Variants in NTM observed in about 807,000 individuals in gnomAD.
NTM encodes neurotrimin, also known as IgLON family member 2.
NTM carries 13 observed loss-of-function variants against 42.1 expected under a neutral mutation model. The observed-to-expected ratio is 0.31, with a 90% CI of 0.20 to 0.49. NTM has a LOEUF of 0.49. Among genes scored for constraint, NTM ranks in the 20% least tolerant of loss-of-function variants. The pLI is 0.99. For missense variants in NTM, 373 were observed against 452.8 expected (o/e 0.82, Z 1.60); for synonymous variants, 187 against 179.2 (o/e 1.04, Z -0.35).
intron 1 of NTM, among the ~76,000 whole-genome samples, chr11:131,433,006 C>T (rs1266860885): frequency 2.0e-5 from 3 of 151,748 alleles, no homozygotes; most frequent in Non-Finnish European, 4.4e-5. Context: ...AGGCGCCCGC[C>T]ACCACGCCCG....
At chr11:132,069,642 G>T (rs11222899) in intron 2 of NTM, among the ~76,000 whole-genome samples, 3 of 138,776 alleles carry the variant, frequency 2.2e-5, no homozygotes, top group South Asian at 2.4e-4. Context: ...TTAGTTAACA[G>T]GTCACCCAGC....
chr11:131,832,525 T>A (rs183070397), intron 1 of NTM, among the ~76,000 whole-genome samples: 1 of 152,210 alleles, frequency 6.6e-6, no homozygotes, highest in Non-Finnish European at 1.5e-5. Flanking sequence ...CACATTTTGT[T>A]GTGATAAATC....
At chr11:132,162,273 GTGTA>G (rs1166479885) in intron 3 of NTM, among the ~76,000 whole-genome samples, 1 of 151,290 alleles carries the variant, frequency 6.6e-6, no homozygotes, top group Non-Finnish European at 1.5e-5. Context: ...TGTAGGGAGT[GTGTA>G]TGTAAGTGCT....
rs148189977 is a variant in NTM at position 132,262,573 on chromosome 11, C to CT, written c.527-45109dup. 8.5e-3 allele frequency among the ~76,000 whole-genome samples: 1,289 copies of CT among 152,230 alleles called. 15 individuals carry two copies. The highest frequency in any genetic ancestry group is 0.029 in the East Asian group (152 of 5,174). On this transcript the variant is annotated intron_variant, in intron 4 of 8. Transcript: ENST00000683400. ...AGGGGGAGAGAGAGAAGGATCATCTCTTTTTTTATCTATTCTTACGAGGAC... is the reference window on the plus strand; with the variant it reads ...AGGGGGAGAGAGAGAAGGATCATCTCTTTTTTTTATCTATTCTTACGAGGAC...
At chr11:132,333,628 G>T (rs569902478) in intron 8 of NTM, among the ~76,000 whole-genome samples, 14 of 152,242 alleles carry the variant, frequency 9.2e-5, no homozygotes, top group African/African-American at 2.9e-4. Flanking sequence ...TCTCCTTAAT[G>T]CAGGGTAGAG....
intron 4 of NTM, among the ~76,000 whole-genome samples, chr11:132,221,335 GTCT>G (rs764954389): frequency 5.9e-5 from 9 of 152,124 alleles, no homozygotes; most frequent in Non-Finnish European, 8.8e-5. Context: ...GGCGAGACAG[GTCT>G]TCTTATTAGC....
intron 1 of NTM, chr11:131,911,195 C>T: frequency 7.3e-7 from 1 of 1,367,614 alleles, no homozygotes. Flanking sequence ...CCGCGCGCTT[C>T]CCCCTCCTCG....
chr11:131,916,252 T>A (rs543270518), intron 2 of NTM, among the ~76,000 whole-genome samples: 1 of 152,200 alleles, frequency 6.6e-6, no homozygotes, highest in African/African-American at 2.4e-5. Context: ...TGCATGGGTG[T>A]CATTCACTTA....
chr11:131,665,471 C>T (rs1035469220), intron 1 of NTM, among the ~76,000 whole-genome samples: 4 of 151,932 alleles, frequency 2.6e-5, no homozygotes, highest in Non-Finnish European at 4.4e-5. Context: ...GTGATTAGGG[C>T]AAAAAGAGGT....
chr11:131,880,164 T>C (rs990644079), intron 1 of NTM, among the ~76,000 whole-genome samples: 40 of 152,270 alleles, frequency 2.6e-4, no homozygotes, highest in African/African-American at 9.4e-4. Flanking sequence ...AGCAGATAAG[T>C]CATAAAACTC....
chr11:131,834,436 G>A (rs2043207665), intron 1 of NTM, among the ~76,000 whole-genome samples: 1 of 151,836 alleles, frequency 6.6e-6, no homozygotes, highest in Non-Finnish European at 1.5e-5. Flanking sequence ...TCATGTGGTA[G>A]GCACTGTGCT....
intron 2 of NTM, among the ~76,000 whole-genome samples, chr11:131,945,750 A>G (rs1251124240): frequency 6.6e-6 from 1 of 152,176 alleles, no homozygotes; most frequent in African/African-American, 2.4e-5. Flanking sequence ...ACATTCCTGC[A>G]CCTTTACTGA....
intron 4 of NTM, among the ~76,000 whole-genome samples, chr11:132,295,689 T>A (rs1419212241): frequency 6.6e-6 from 1 of 152,124 alleles, no homozygotes; most frequent in East Asian, 1.9e-4. Context: ...CACTGGTGTG[T>A]CCAGTGGGTG....
At chr11:131,812,203 TC>T (rs1395311069) in intron 1 of NTM, among the ~76,000 whole-genome samples, 3,097 of 147,878 alleles carry the variant, frequency 0.021, 117 homozygotes, top group African/African-American at 0.071. Flanking sequence ...TCTCTCTCTC[TC>T]TCTCTCTCTC....
intron 7 of NTM, among the ~76,000 whole-genome samples, chr11:132,327,218 G>A (rs543751404): frequency 2.6e-5 from 4 of 152,292 alleles, no homozygotes; most frequent in East Asian, 3.9e-4. Context: ...CAAACTCAGC[G>A]GCTCCGTGGC....
intron 1 of NTM, among the ~76,000 whole-genome samples, chr11:131,377,160 G>A (rs1942080446): frequency 6.6e-6 from 1 of 152,178 alleles, no homozygotes; most frequent in African/African-American, 2.4e-5. Flanking sequence ...TTTGGGAAGA[G>A]GAGGTGCACA....
At position 132,281,057 on chromosome 11, in the gene NTM, C is replaced by A. The variant is rs1298565357; in HGVS notation, c.527-26632C>A. 2.6e-5 allele frequency among the ~76,000 whole-genome samples: 4 copies of A among 152,298 alleles called. 1 individual carries two copies. Among genetic ancestry groups the A allele is most frequent in the African/African-American group, 9.6e-5 (4 of 41,572 alleles). ...GCATTGTAGACATTTTTATAATGAG[C>A]ATAAATGTTCATTTAATTTTATTTG... On this transcript the variant is annotated intron_variant, in intron 4 of 8. Coordinates refer to ENST00000683400, the MANE Select transcript of NTM (RefSeq NM_001352005.2).
chr11:132,140,020 T>G (rs2068763155), intron 2 of NTM, among the ~76,000 whole-genome samples: 1 of 152,230 alleles, frequency 6.6e-6, no homozygotes, highest in African/African-American at 2.4e-5. Flanking sequence ...TGTTGAATTT[T>G]TACAATAAAC....
At chr11:131,866,056 TACAC>T (rs1236801272) in intron 1 of NTM, among the ~76,000 whole-genome samples, 1 of 137,296 alleles carries the variant, frequency 7.3e-6, no homozygotes, top group Non-Finnish European at 1.6e-5. Flanking sequence ...ACACACACAC[TACAC>T]ACACACCCCA....
Sources: allele counts gnomAD v4.1 joint callset (sites outside exome capture counted in the v4.1 genomes callset), GRCh38; gene constraint gnomAD v4.1.1; transcripts MANE v1.5; gene names NCBI Gene and HGNC (gene_info 2026-07-23, HGNC 2026-07-21).